The following SLC17A1 variants were observed in gnomAD, a reference collection of about 807,000 sequenced individuals.
SLC17A1 encodes the protein sodium-dependent phosphate transport protein 1.
In SLC17A1, 51 loss-of-function variants were observed where a neutral mutation model predicts 53.5. That is an observed-to-expected ratio of 0.95 (90% CI 0.76 to 1.20). The LOEUF is 1.20. Ranked by LOEUF, SLC17A1 falls within the 50% of genes most tolerant of loss-of-function variation. The pLI, the probability that SLC17A1 is intolerant of heterozygous loss-of-function variation, is 0.00. For missense variants in SLC17A1, 538 were observed against 568.2 expected, an observed-to-expected ratio of 0.95 and a Z score of 0.54; for synonymous variants, 179 against 198.8, an observed-to-expected ratio of 0.90 and a Z score of 0.84.
At chr6:25,755,048 T>C in the SLC17A1 span, among the ~76,000 whole-genome samples, 33 of 145,036 alleles carry the variant, frequency 2.3e-4, no homozygotes, top group South Asian at 4.4e-4. Flanking sequence ...CACACACACA[T>C]ACACACACAC....
chr6:25,726,912 C>T, the SLC17A1 span: 1 of 1,610,930 alleles, frequency 6.2e-7, no homozygotes, highest in Non-Finnish European at 8.5e-7. Context: ...GGTAGCTATG[C>T]CGGAGGTGTC....
At chr6:25,725,258 T>G in the SLC17A1 span, among the ~76,000 whole-genome samples, 1 of 152,222 alleles carries the variant, frequency 6.6e-6, no homozygotes, top group Non-Finnish European at 1.5e-5. Context: ...GTCCCATTCC[T>G]GCCTGAGTCT....
the SLC17A1 span, among the ~76,000 whole-genome samples, chr6:25,748,899 G>A: frequency 3.3e-5 from 5 of 152,094 alleles, no homozygotes; most frequent in African/African-American, 2.4e-5. Context: ...CTCGCCTCCC[G>A]CCACGGGGCA....
At chr6:25,756,670 A>G in the SLC17A1 span, among the ~76,000 whole-genome samples, 1 of 152,190 alleles carries the variant, frequency 6.6e-6, no homozygotes, top group South Asian at 2.1e-4. Flanking sequence ...AAAAACTGGC[A>G]ATTGATTTCT....
intron 12 of SLC17A1, among the ~76,000 whole-genome samples, chr6:25,790,017 C>T (rs1763467309): frequency 6.6e-6 from 1 of 152,058 alleles, no homozygotes; most frequent in Admixed American, 6.6e-5. Context: ...ATGCTAGCAA[C>T]TTACCCTCAA....
At chr6:25,778,040 T>C, downstream of SLC17A1, 1 of 1,583,902 alleles carries the variant, frequency 6.3e-7, no homozygotes, top group South Asian at 1.1e-5. Flanking sequence ...TTCTGATGAA[T>C]ATTCATAAAA....
the SLC17A1 span, among the ~76,000 whole-genome samples, chr6:25,766,711 T>G: frequency 6.6e-6 from 1 of 152,166 alleles, no homozygotes; most frequent in Admixed American, 6.5e-5. Flanking sequence ...GAGAAAAATA[T>G]CAGACAAATT....
At chr6:25,773,438 C>T in the SLC17A1 span, 9 of 1,611,490 alleles carry the variant, frequency 5.6e-6, no homozygotes, top group South Asian at 4.4e-5. Flanking sequence ...TCCCTCTAGA[C>T]GTCTGAGAGA....
At chr6:25,726,064 A>AG in the SLC17A1 span, 8 of 1,370,180 alleles carry the variant, frequency 5.8e-6, no homozygotes, top group Non-Finnish European at 6.9e-6. Context: ...CTGAGACGGT[A>AG]GGTGGCTCTG....
chr6:25,778,054 A>G (rs377675114), downstream of SLC17A1: 1 of 1,544,662 alleles, frequency 6.5e-7, no homozygotes, highest in African/African-American at 1.4e-5. Context: ...CATAAAAGAA[A>G]CCTATAGAGG....
chr6:25,781,606 G>T (rs1375082726), downstream of SLC17A1, among the ~76,000 whole-genome samples: 2 of 152,144 alleles, frequency 1.3e-5, no homozygotes, highest in Non-Finnish European at 2.9e-5. Flanking sequence ...TGCATCTGGC[G>T]AGGGCCTCAG....
rs191124299 is a variant in SLC17A1, at chr6:25,829,508, C to T, written c.34+1016G>A. Among the ~76,000 whole-genome samples, 701 of 152,222 alleles carry T rather than the reference C, an allele frequency of 4.6e-3. 3 individuals carry two copies. The highest frequency in any genetic ancestry group is 7.6e-3 in the Non-Finnish European group (519 of 68,004). On this transcript the variant is annotated intron_variant, in intron 2 of 12. Coordinates refer to ENST00000244527, the MANE Select transcript of SLC17A1 (RefSeq NM_005074.5). The stretch of plus-strand genomic sequence containing the variant: ...ACTTTGTAAACACACCTGCAGGAGT[C>T]TCTACATGGTAAAAGGGAAGTCATT...
At chr6:25,802,956 T>C (rs1415536227) in intron 10 of SLC17A1, among the ~76,000 whole-genome samples, 9 of 118,202 alleles carry the variant, frequency 7.6e-5, no homozygotes, top group African/African-American at 3.3e-4. Flanking sequence ...TTTTTTTTTT[T>C]TTTTTTTTGA....
chr6:25,795,627 G>C (rs185561745), intron 12 of SLC17A1, among the ~76,000 whole-genome samples: 1 of 152,044 alleles, frequency 6.6e-6, no homozygotes, highest in East Asian at 1.9e-4. Context: ...TCTCAAAGTG[G>C]GTGAAATAAT....
At chr6:25,826,404 ATTAG>A (rs1405818124) in intron 3 of SLC17A1, 53 bp downstream of exon 3, 3 of 1,396,416 alleles carry the variant, frequency 2.1e-6, no homozygotes, top group Non-Finnish European at 2.9e-6. Context: ...ATCTACACAA[ATTAG>A]TTAGCAAGAC....
At chr6:25,812,086 A>G (rs774799713) in intron 8 of SLC17A1, among the ~76,000 whole-genome samples, 1 of 152,186 alleles carries the variant, frequency 6.6e-6, no homozygotes, top group Non-Finnish European at 1.5e-5. Flanking sequence ...ATGATAGGAT[A>G]AAGATGACAA....
chr6:25,727,076 C>T, the SLC17A1 span: 68 of 1,614,238 alleles, frequency 4.2e-5, no homozygotes, highest in South Asian at 1.5e-4. Context: ...ACACTGGCAT[C>T]TCTTCGAAAG....
At chr6:25,789,729 A>G (rs1490930842) in intron 12 of SLC17A1, among the ~76,000 whole-genome samples, 1 of 152,198 alleles carries the variant, frequency 6.6e-6, no homozygotes, top group Non-Finnish European at 1.5e-5. Context: ...CATGTCATCA[A>G]AGTCAAGGAA....
the SLC17A1 span, chr6:25,769,221 T>A: frequency 1.3e-6 from 2 of 1,566,612 alleles, no homozygotes; most frequent in Non-Finnish European, 8.8e-7. Flanking sequence ...GACTCTTTCT[T>A]TGACTCAAAT....
Sources: gnomAD v4.1 joint callset for allele counts (sites outside exome capture counted in the v4.1 genomes callset) on GRCh38, gnomAD v4.1.1 for gene constraint, MANE v1.5 for transcripts, NCBI Gene and HGNC (gene_info 2026-07-23, HGNC 2026-07-21) for gene names.